SLC39A10: variants seen among roughly 807,000 people sequenced by gnomAD.
The protein encoded by SLC39A10 is solute carrier family 39 member 10.
A neutral mutation model predicts 65.1 loss-of-function variants in SLC39A10; 13 were observed. The observed-to-expected ratio is 0.20, with a 90% CI of 0.13 to 0.32. The LOEUF (loss-of-function observed/expected upper bound fraction) is 0.32, where lower values mean the gene tolerates loss of function less well. SLC39A10 is among the 10% of genes least tolerant of loss of function. The probability of loss-of-function intolerance (pLI) is 1.00; values close to 1 mark genes in which losing one functional copy is unlikely to be tolerated. For synonymous variants in SLC39A10, 321 were observed against 342.2 expected (o/e 0.94, Z 0.68); for missense variants, 831 against 1,018.4 (o/e 0.82, Z 2.50).
chr2:195,714,209 G>T (rs1691705601), intron 6 of SLC39A10, among the ~76,000 whole-genome samples: 1 of 152,152 alleles, frequency 6.6e-6, no homozygotes, highest in East Asian at 1.9e-4. Context: ...GGGATTACAG[G>T]AGTGAGCCAC....
At chr2:195,718,160 A>T in intron 7 of SLC39A10, 92 bp from the exon 8 acceptor site, 2 of 996,204 alleles carry the variant, frequency 2.0e-6, no homozygotes, top group Admixed American at 2.1e-5. Flanking sequence ...AAATTAATTT[A>T]GATAGGCAAA....
intron 3 of SLC39A10, among the ~76,000 whole-genome samples, chr2:195,703,797 G>A (rs889749893): frequency 1.3e-5 from 2 of 152,100 alleles, no homozygotes; most frequent in African/African-American, 4.8e-5. Context: ...TGGACTACAG[G>A]CACATGCCAC....
chr2:195,716,382 T>C (rs1691809783), intron 6 of SLC39A10, among the ~76,000 whole-genome samples: 1 of 152,204 alleles, frequency 6.6e-6, no homozygotes, highest in South Asian at 2.1e-4. Context: ...ATCCGGAGCA[T>C]CTTTTAAATC....
Position 195,736,670 on chromosome 2 carries a change from T to G in SLC39A10, c.*1629T>G, listed in dbSNP as rs750499229. ...TATGCTATAAGCAAGGGAGCTTAGG[T>G]GTTATTTCTTTAATTTATGCTTGAA... On this transcript the variant is annotated 3_prime_UTR_variant, in exon 10 of 10. Coordinates refer to ENST00000359634, the MANE Select transcript of SLC39A10 (RefSeq NM_020342.3). 2 of 151,814 alleles carry G rather than the reference T, an allele frequency of 1.3e-5. No individual in the cohort carries two copies. Among genetic ancestry groups the G allele is most frequent in the African/African-American group, 2.4e-5 (1 of 41,366 alleles). 9.4% of individuals were successfully genotyped at this position (151,814 alleles called of 1,614,324 possible). A position where few individuals can be genotyped will look rare whatever the true frequency, so the allele number is the denominator to read the frequency against.
chr2:195,616,884 G>A (rs1219926091), intron 2 of SLC39A10, among the ~76,000 whole-genome samples: 1 of 151,460 alleles, frequency 6.6e-6, no homozygotes, highest in Non-Finnish European at 1.5e-5. Context: ...ATTACAGGCG[G>A]GAGCCACCGC....
chr2:195,726,047 A>G (rs1439565563), intron 8 of SLC39A10, among the ~76,000 whole-genome samples: 5 of 152,236 alleles, frequency 3.3e-5, no homozygotes, highest in Non-Finnish European at 7.3e-5. Context: ...ATAGAAGTCT[A>G]CATTTTTAAA....
chr2:195,734,077 A>G (rs952821645), intron 9 of SLC39A10, among the ~76,000 whole-genome samples: 1 of 151,766 alleles, frequency 6.6e-6, no homozygotes, highest in African/African-American at 2.4e-5. Flanking sequence ...GCAGTGGGAA[A>G]TAAGAATTTC....
chr2:195,624,322 G>GAT (rs1688414591), intron 2 of SLC39A10, among the ~76,000 whole-genome samples: 1 of 150,002 alleles, frequency 6.7e-6, no homozygotes, highest in African/African-American at 2.5e-5. Context: ...GGGAGGCAGA[G>GAT]GTTACCGTGA....
At chr2:195,681,331 C>T (rs934587310) in intron 2 of SLC39A10, among the ~76,000 whole-genome samples, 5 of 152,054 alleles carry the variant, frequency 3.3e-5, no homozygotes, top group African/African-American at 1.2e-4. Flanking sequence ...TTGAGACCAT[C>T]CTGGCTAACA....
chr2:195,670,435 CTG>C (rs1480547658), intron 1 of SLC39A10: 1 of 152,132 alleles, frequency 6.6e-6, no homozygotes, highest in African/African-American at 2.4e-5. Context: ...CCAATCTTCT[CTG>C]TATTTTTTCA....
intron 3 of SLC39A10, among the ~76,000 whole-genome samples, chr2:195,689,281 G>A (rs1185002012): frequency 6.6e-6 from 1 of 152,038 alleles, no homozygotes; most frequent in Non-Finnish European, 1.5e-5. Context: ...AATTAGCTGG[G>A]CATGGTGGTG....
intron 3 of SLC39A10, among the ~76,000 whole-genome samples, chr2:195,692,774 A>G (rs1690794115): frequency 6.6e-6 from 1 of 152,162 alleles, no homozygotes; most frequent in African/African-American, 2.4e-5. Context: ...ATATCAGGAA[A>G]CAGTGACAGT....
chr2:195,728,479 A>T lies in SLC39A10; in HGVS notation c.2337+130A>T, dbSNP rs1692323130. 1 of 845,508 alleles carries T rather than the reference A, an allele frequency of 1.2e-6. No individual in the cohort carries two copies. The highest frequency in any genetic ancestry group is 1.7e-6 in the Non-Finnish European group (1 of 571,848). The allele number at this position is 845,508 out of a possible 1,614,324, so 52.4% of individuals were successfully genotyped here. ...GACATAATATCCTAAATAATCTCTT[A>T]AGGAAGGACATTTAAGTAGGAGGTT... On this transcript the variant is annotated intron_variant, in intron 9 of 9. Transcript: ENST00000359634. The surrounding 1 kb of genome is among the most constrained non-coding windows in gnomAD (Gnocchi z 4.4).
intron 2 of SLC39A10, among the ~76,000 whole-genome samples, chr2:195,682,224 GT>G (rs976790899): frequency 6.6e-6 from 1 of 152,054 alleles, no homozygotes; most frequent in African/African-American, 2.4e-5. Flanking sequence ...AACTTGTTGA[GT>G]TTGTTGTTCA....
At chr2:195,665,377 A>G (rs906190160) in intron 1 of SLC39A10, among the ~76,000 whole-genome samples, 2 of 152,204 alleles carry the variant, frequency 1.3e-5, no homozygotes, top group South Asian at 2.1e-4. Flanking sequence ...CCAGCTATGT[A>G]GGAGGATGGC....
At chr2:195,688,949 T>C (rs780408602) in intron 3 of SLC39A10, among the ~76,000 whole-genome samples, 9 of 152,226 alleles carry the variant, frequency 5.9e-5, no homozygotes, top group Non-Finnish European at 1.0e-4. Context: ...TTAATAAAGT[T>C]AGTAATCCTT....
intron 2 of SLC39A10, among the ~76,000 whole-genome samples, chr2:195,636,494 G>A (rs568309718): frequency 6.6e-6 from 1 of 152,348 alleles, no homozygotes; most frequent in East Asian, 1.9e-4. Flanking sequence ...GCTCACGCCT[G>A]TAATCCCAGC....
At chr2:195,661,479 A>G (rs768131095) in intron 1 of SLC39A10, among the ~76,000 whole-genome samples, 11 of 152,206 alleles carry the variant, frequency 7.2e-5, no homozygotes, top group South Asian at 4.1e-4. Flanking sequence ...GGCTCAGGCA[A>G]TCCTCCCATC....
chr2:195,683,731 T>C lies in SLC39A10; in HGVS notation c.1041T>C (p.Tyr347=), dbSNP rs1690421161. Reference sequence around the variant, plus strand: ...ACGTCACTCAGTTATTAAAATACTATGGTCATGGTGCCAACTCTCCCATCT... The same window carrying C: ...ACGTCACTCAGTTATTAAAATACTACGGTCATGGTGCCAACTCTCCCATCT... ...CLNVTQLLKY[Y]GHGANSPIST... The change falls in exon 3 of 10, where the codon TAT becomes TAC. Residue 347 remains tyrosine, a synonymous_variant. Coordinates refer to ENST00000359634, the MANE Select transcript of SLC39A10 (RefSeq NM_020342.3). The C allele has an allele frequency of 3.7e-6, 6 of 1,613,312 alleles. No homozygotes were observed. Among genetic ancestry groups the C allele is most frequent in the Non-Finnish European group, 5.1e-6 (6 of 1,179,478 alleles).
Sources: allele counts gnomAD v4.1 joint callset (sites outside exome capture counted in the v4.1 genomes callset), GRCh38; gene constraint gnomAD v4.1.1; non-coding constraint Gnocchi (gnomAD v3.1); transcripts MANE v1.5; gene names NCBI Gene and HGNC (gene_info 2026-07-23, HGNC 2026-07-21).